ASAP3: variants seen among roughly 807,000 people sequenced by gnomAD.
ASAP3 encodes ArfGAP with SH3 domain, ankyrin repeat and PH domain 3.
Under a neutral mutation model 118.2 loss-of-function variants are expected in ASAP3, and 85 were observed. The ratio of observed to expected loss-of-function variants is 0.72; its 90% CI spans 0.60 to 0.86. The LOEUF (loss-of-function observed/expected upper bound fraction) is 0.86. ASAP3 is among the 40% of genes least tolerant of loss of function. The pLI, the probability that ASAP3 is intolerant of heterozygous loss-of-function variation, is 0.00. For synonymous variants in ASAP3, 432 were observed against 477.4 expected (o/e 0.90, Z 1.24); for missense variants, 1,026 against 1,175.0 (o/e 0.87, Z 1.85).
In ASAP3 at chr1:23,431,102, C is replaced by A. The variant is rs761253953; in HGVS notation, c.2570G>T (p.Arg857Leu). 5.1e-6 allele frequency: 8 copies of A among 1,571,386 alleles called. No homozygotes were observed. The highest frequency in any genetic ancestry group is 6.0e-6 in the Non-Finnish European group (7 of 1,158,420). Residue 857 changes from arginine (R) to leucine (L), a missense_variant, in exon 24 of 25, where the codon CGG becomes CTG. Physicochemically the swap from Arg to Leu is moderately radical, Grantham distance 102. Transcript: ENST00000336689. Reference protein sequence around the residue: ...RFSSESTRSYRRGARSPEDGP... With the variant: ...RFSSESTRSYLRGARSPEDGP... Reference sequence around the variant, plus strand: ...ATCTTCAGGGCTCCGCGCCCCCCGCCGATAGGAGCGAGTGCTCTCGGAGCT... The same window carrying A: ...ATCTTCAGGGCTCCGCGCCCCCCGCAGATAGGAGCGAGTGCTCTCGGAGCT...
chr1:23,454,671 T>C (rs973316564), intron 3 of ASAP3, among the ~76,000 whole-genome samples: 2 of 152,216 alleles, frequency 1.3e-5, no homozygotes, highest in African/African-American at 4.8e-5. Context: ...GGCACAGCTA[T>C]GCCAAGAGCT....
intron 1 of ASAP3, among the ~76,000 whole-genome samples, chr1:23,465,907 G>C (rs1417293632): frequency 6.6e-6 from 1 of 152,008 alleles, no homozygotes; most frequent in Non-Finnish European, 1.5e-5. Flanking sequence ...TTTGATCTTG[G>C]GACTGGATCT....
chr1:23,430,085 A>G (rs1401535361), intron 24 of ASAP3, among the ~76,000 whole-genome samples, 155 bp from the exon 25 acceptor site: 1 of 152,266 alleles, frequency 6.6e-6, no homozygotes, highest in Non-Finnish European at 1.5e-5. Context: ...GAAGCCACTT[A>G]TCCAAAGTCT....
chr1:23,466,944 C>T (rs183610448), intron 1 of ASAP3, among the ~76,000 whole-genome samples: 2 of 151,904 alleles, frequency 1.3e-5, no homozygotes, highest in South Asian at 4.2e-4. Flanking sequence ...CTCAGTTCAC[C>T]GCAACCTCCG....
At position 23,431,065 on chromosome 1, in the gene ASAP3, G is replaced by A. The variant is rs188430482; in HGVS notation, c.2607C>T (p.Ala869=). 20 of 1,590,210 alleles carry A rather than the reference G, an allele frequency of 1.3e-5. No homozygotes were observed. The African/African-American group carries it at 2.7e-4, about 21-fold the overall frequency. The change falls in exon 24 of 25, where the codon GCC becomes GCT. Residue 869 remains alanine, a synonymous_variant. Transcript: ENST00000336689. ...CGTTCCTTCTGGGCAGAGGCTGCCT[G>A]GCTGAGGGACCATCTTCAGGGCTCC... ...GARSPEDGPS[A]RQPLPRRNVP...
In ASAP3 at chr1:23,436,870, A is replaced by C; in HGVS notation, c.1476+41T>G. 6.3e-7 allele frequency: 1 copy of C among 1,594,956 alleles called. No individual in the cohort carries two copies. Among genetic ancestry groups the C allele is most frequent in the Non-Finnish European group, 8.5e-7 (1 of 1,170,928 alleles). On this transcript the variant is annotated intron_variant, in intron 15 of 24. Coordinates refer to ENST00000336689, the MANE Select transcript of ASAP3 (RefSeq NM_017707.4). This position sits in a 1 kb window ranked among gnomAD's most constrained non-coding sequence, Gnocchi z 4.2. ...GCCCCCGGATGAAACTACACCCCTA[A>C]CTCCGCTTCTGGCCCCTTCCAGGCC...
At position 23,438,853 on chromosome 1, in the gene ASAP3, G is replaced by A. The variant is rs762892051; in HGVS notation, c.1015-19C>T. ...GGTTTATCTGTGGGAATTTAGGGGC[G>A]GAGGATGTATGCATTACCTCTGGCC... On this transcript the variant is annotated intron_variant, in intron 11 of 24. Coordinates refer to ENST00000336689, the MANE Select transcript of ASAP3 (RefSeq NM_017707.4). This position sits in a 1 kb window ranked among gnomAD's most constrained non-coding sequence, Gnocchi z 4.9. 38 of 1,612,114 alleles carry A rather than the reference G, an allele frequency of 2.4e-5. No individual in the cohort carries two copies. Among genetic ancestry groups the A allele is most frequent in the East Asian group, 4.5e-5 (2 of 44,878 alleles).
chr1:23,477,640 GGCC>G (rs1451937539), intron 1 of ASAP3, among the ~76,000 whole-genome samples: 1 of 152,140 alleles, frequency 6.6e-6, no homozygotes, highest in African/African-American at 2.4e-5. Context: ...CCTCAAAGAA[GGCC>G]TTGACGAGGA....
At chr1:23,453,465 G>A (rs1641288668) in intron 3 of ASAP3, among the ~76,000 whole-genome samples, 2 of 152,008 alleles carry the variant, frequency 1.3e-5, no homozygotes, top group African/African-American at 4.8e-5. Flanking sequence ...TGGTAAGATG[G>A]GCATCTGGGC....
chr1:23,430,894 A>C (rs1382274133), intron 24 of ASAP3, 141 bp downstream of exon 24: 1 of 795,348 alleles, frequency 1.3e-6, no homozygotes, highest in Non-Finnish European at 1.9e-6. Context: ...CAGGACAGGG[A>C]CTGTCCAAAC....
At chr1:23,442,771 C>A in intron 5 of ASAP3, 159 bp from the exon 6 acceptor site, 1 of 1,113,372 alleles carries the variant, frequency 9.0e-7, no homozygotes, top group Non-Finnish European at 1.2e-6. Context: ...TTTAGGGAAT[C>A]CACAGAGTGG....
At chr1:23,440,137 T>TG (rs1640810608) in intron 10 of ASAP3, among the ~76,000 whole-genome samples, 1 of 151,500 alleles carries the variant, frequency 6.6e-6, no homozygotes, top group Non-Finnish European at 1.5e-5. Context: ...TTTTTTTTTT[T>TG]TTTTTACACT....
At chr1:23,457,850 A>T (rs1042794715) in intron 1 of ASAP3, among the ~76,000 whole-genome samples, 1 of 152,220 alleles carries the variant, frequency 6.6e-6, no homozygotes, top group Non-Finnish European at 1.5e-5. Context: ...CTGATTAGCC[A>T]TGTGTAAAAT....
intron 5 of ASAP3, among the ~76,000 whole-genome samples, chr1:23,447,426 A>G (rs1641082114): frequency 6.6e-6 from 1 of 152,192 alleles, no homozygotes; most frequent in African/African-American, 2.4e-5. Context: ...CACAGATTAC[A>G]TTTTAATGCC....
chr1:23,474,660 T>C (rs1279244587), intron 1 of ASAP3, among the ~76,000 whole-genome samples: 7 of 152,116 alleles, frequency 4.6e-5, no homozygotes, highest in Admixed American at 4.6e-4. Flanking sequence ...CTCGGCTCAC[T>C]GCAACCTCCA....
rs1296313468 is a variant in ASAP3, at chr1:23,433,186, G to A, written c.2214C>T (p.Ser738=). ...ISNKTYETVA[S]LGAATPQGES... ...CGCCCTGAGGGGTGGCTGCTCCCAG[G>A]CTGGCGACAGTCTCATAGGTCTTGT... Residue 738 remains serine (S), a synonymous_variant, in exon 22 of 25, where the codon AGC becomes AGT. Coordinates refer to ENST00000336689, the MANE Select transcript of ASAP3 (RefSeq NM_017707.4). 2 of 1,614,174 alleles carry A rather than the reference G, an allele frequency of 1.2e-6. No homozygotes were observed. Among genetic ancestry groups the A allele is most frequent in the Non-Finnish European group, 1.7e-6 (2 of 1,180,026 alleles).
chr1:23,460,417 GAATCA>G (rs1641543691), intron 1 of ASAP3, among the ~76,000 whole-genome samples: 1 of 145,924 alleles, frequency 6.9e-6, no homozygotes, highest in Non-Finnish European at 1.5e-5. Flanking sequence ...TAAGGCAGGA[GAATCA>G]TTTGAACCTA....
chr1:23,432,155 TGC>T (rs1218861900), intron 22 of ASAP3, among the ~76,000 whole-genome samples: 1 of 151,886 alleles, frequency 6.6e-6, no homozygotes, highest in East Asian at 1.9e-4. Flanking sequence ...TACAGGTGCA[TGC>T]CACCACACCT....
chr1:23,437,977 G>T lies in ASAP3; in HGVS notation c.1103-505C>A, dbSNP rs1640736954. Among the ~76,000 whole-genome samples, 1 of 152,042 alleles carries T rather than the reference G, an allele frequency of 6.6e-6. No homozygotes were observed. The highest frequency in any genetic ancestry group is 6.6e-5 in the Admixed American group (1 of 15,254). ...TGGCTCTCTATTGCCAGGAAATAAGGTCCAAACTTTTAAGAGGGATTTCCA... is the reference window on the plus strand; with the variant it reads ...TGGCTCTCTATTGCCAGGAAATAAGTTCCAAACTTTTAAGAGGGATTTCCA... On this transcript the variant is annotated intron_variant, in intron 12 of 24. Transcript: ENST00000336689. The surrounding 1 kb of genome is among the most constrained non-coding windows in gnomAD (Gnocchi z 6.1).
Sources: gnomAD v4.1 joint callset for allele counts (sites outside exome capture counted in the v4.1 genomes callset) on GRCh38, gnomAD v4.1.1 for gene constraint, Gnocchi (gnomAD v3.1) non-coding constraint, MANE v1.5 for transcripts, NCBI Gene and HGNC (gene_info 2026-07-23, HGNC 2026-07-21) for gene names.